Variants in NFIB observed in about 807,000 individuals in gnomAD.
NFIB encodes the protein nuclear factor I B, also known as nuclear factor 1 B-type.
A neutral mutation model predicts 61.5 loss-of-function variants in NFIB; 11 were observed. The observed-to-expected ratio is 0.18, with a 90% CI of 0.11 to 0.30. NFIB has a LOEUF of 0.30. NFIB is among the 10% of genes least tolerant of loss of function. The pLI is 1.00. For synonymous variants in NFIB, 260 were observed against 216.5 expected (o/e 1.20, Z -1.76); for missense variants, 471 against 608.9 (o/e 0.77, Z 2.38).
chr9:14,204,521 G>A (rs2049411647), intron 2 of NFIB: 1 of 1,290,930 alleles, frequency 7.7e-7, no homozygotes. Flanking sequence ...CCACCAAACA[G>A]CTACTCAGCT....
the NFIB span, among the ~76,000 whole-genome samples, chr9:14,410,549 G>A: frequency 1.3e-5 from 2 of 152,130 alleles, no homozygotes; most frequent in Admixed American, 1.3e-4. Context: ...AAATAAAAGG[G>A]AAATGAAAAA....
At chr9:14,202,724 A>G (rs1047365338) in intron 2 of NFIB, among the ~76,000 whole-genome samples, 3 of 152,222 alleles carry the variant, frequency 2.0e-5, no homozygotes, top group African/African-American at 7.2e-5. Context: ...AACGTATCTG[A>G]GAAATGGGTA....
chr9:14,235,275 G>C (rs1251990352), intron 2 of NFIB, among the ~76,000 whole-genome samples: 2 of 152,158 alleles, frequency 1.3e-5, no homozygotes, highest in Non-Finnish European at 1.5e-5. Flanking sequence ...TTTAAAACTT[G>C]GGAGGCAAAC....
intron 1 of NFIB, among the ~76,000 whole-genome samples, chr9:14,335,712 G>A (rs1446392484): frequency 1.3e-5 from 2 of 152,158 alleles, no homozygotes; most frequent in Admixed American, 6.5e-5. Flanking sequence ...ATTGTGGATT[G>A]AGCTTTTGGC....
At chr9:14,211,437 A>G (rs1286852041) in intron 2 of NFIB, among the ~76,000 whole-genome samples, 1 of 152,276 alleles carries the variant, frequency 6.6e-6, no homozygotes, top group Non-Finnish European at 1.5e-5. Flanking sequence ...GTTAAGAAAC[A>G]AAGTTAAAAA....
At chr9:14,199,103 A>C (rs955884435) in intron 2 of NFIB, among the ~76,000 whole-genome samples, 3 of 152,242 alleles carry the variant, frequency 2.0e-5, no homozygotes, top group African/African-American at 7.2e-5. Flanking sequence ...CCCAGGTTCC[A>C]TTCTGCAAGT....
At chr9:14,152,521 C>T (rs897895535) in intron 4 of NFIB, among the ~76,000 whole-genome samples, 2 of 152,048 alleles carry the variant, frequency 1.3e-5, no homozygotes, top group African/African-American at 4.8e-5. Context: ...GTAATGGATA[C>T]AATTCATAGA....
At chr9:14,430,974 G>C in the NFIB span, among the ~76,000 whole-genome samples, 1 of 151,974 alleles carries the variant, frequency 6.6e-6, no homozygotes, top group Admixed American at 6.6e-5. Flanking sequence ...TATTACGTTT[G>C]GTATAAAATA....
intron 10 of NFIB, chr9:14,094,069 G>T (rs900668914): frequency 2.0e-5 from 3 of 152,014 alleles, no homozygotes; most frequent in Non-Finnish European, 4.4e-5. Flanking sequence ...CTGAAGCGAG[G>T]AAGTTAAGTG....
chr9:14,174,191 T>C (rs1026833630), intron 3 of NFIB, among the ~76,000 whole-genome samples: 4 of 152,154 alleles, frequency 2.6e-5, no homozygotes, highest in Non-Finnish European at 4.4e-5. Flanking sequence ...AAAAGTCCTT[T>C]GATTTTAGCA....
chr9:14,440,122 A>G, the NFIB span, among the ~76,000 whole-genome samples: 1 of 152,178 alleles, frequency 6.6e-6, no homozygotes. Context: ...GCTTGCTCTG[A>G]AAATGGCTGA....
intron 2 of NFIB, among the ~76,000 whole-genome samples, chr9:14,236,647 A>G (rs946510646): frequency 1.3e-5 from 2 of 152,156 alleles, no homozygotes; most frequent in Non-Finnish European, 2.9e-5. Context: ...TAAATTCCAG[A>G]GAATTTTTTG....
In NFIB at chr9:14,085,393, AAAGGCAAAAT is replaced by A. The variant is rs1422569202; in HGVS notation, c.*2906_*2915del. 4.5e-6 allele frequency: 1 copy of A among 224,120 alleles called. No homozygotes were observed. The allele number at this position is 224,120 out of a possible 1,614,324, so 13.9% of individuals were successfully genotyped here. A position where few individuals can be genotyped will look rare whatever the true frequency, so the allele number is the denominator to read the frequency against. ...ACTCAATGGGACTGGGCGGTGAGGG[AAAGGCAAAAT>A]AAAACCAGCCTCCATTCAGCCTCTA... On this transcript the variant is annotated 3_prime_UTR_variant, in exon 11 of 11. Transcript: ENST00000380953.
chr9:14,332,028 T>A (rs1178690510), intron 1 of NFIB, among the ~76,000 whole-genome samples: 1 of 152,090 alleles, frequency 6.6e-6, no homozygotes, highest in East Asian at 1.9e-4. Context: ...TTATTTGCAA[T>A]TATAGTTTAA....
At chr9:14,514,953 A>T in the NFIB span, among the ~76,000 whole-genome samples, 2 of 152,118 alleles carry the variant, frequency 1.3e-5, no homozygotes, top group Non-Finnish European at 2.9e-5. Flanking sequence ...ATATCTCCTT[A>T]AAGTACCCAA....
the NFIB span, among the ~76,000 whole-genome samples, chr9:14,481,764 A>G: frequency 2.0e-5 from 3 of 152,122 alleles, no homozygotes; most frequent in Non-Finnish European, 4.4e-5. Flanking sequence ...ACTGGGCAGG[A>G]AGGAACCTGA....
In NFIB at chr9:14,204,231, G is replaced by A. The variant is rs372031349; in HGVS notation, c.563-24451C>T. ...TTTGAGGAATGATCTCTCTTTTCCC[G>A]CCGTCCACTGCCCAAGATGTGGAAA... On this transcript the variant is annotated intron_variant, in intron 2 of 10. Coordinates refer to ENST00000380953, the MANE Select transcript of NFIB (RefSeq NM_001190737.2). The A allele has an allele frequency of 3.7e-4, 207 of 564,976 alleles. 4 individuals carry two copies. The East Asian group carries it at 4.0e-3, about 11-fold the overall frequency. 35.0% of individuals were successfully genotyped at this position (564,976 alleles called of 1,614,324 possible).
chr9:14,455,639 A>C, the NFIB span, among the ~76,000 whole-genome samples: 3 of 152,158 alleles, frequency 2.0e-5, no homozygotes, highest in Non-Finnish European at 4.4e-5. Context: ...AGAGAAGAGA[A>C]TTGAGAGGCT....
At chr9:14,344,342 C>G (rs1452560632) in intron 1 of NFIB, among the ~76,000 whole-genome samples, 2 of 151,562 alleles carry the variant, frequency 1.3e-5, no homozygotes, top group Non-Finnish European at 2.9e-5. Flanking sequence ...GGAGACTTGG[C>G]AGGTCGACAG....
Sources: allele counts gnomAD v4.1 joint callset (sites outside exome capture counted in the v4.1 genomes callset), GRCh38; gene constraint gnomAD v4.1.1; transcripts MANE v1.5; gene names NCBI Gene and HGNC (gene_info 2026-07-23, HGNC 2026-07-21).